Variants in TIAM2 observed in about 807,000 individuals in gnomAD.
The protein encoded by TIAM2 is rho guanine nucleotide exchange factor TIAM2.
TIAM2 carries 80 observed loss-of-function variants against 152.9 expected under a neutral mutation model. The observed-to-expected ratio is 0.52, with a 90% CI of 0.44 to 0.63. The LOEUF (loss-of-function observed/expected upper bound fraction) is 0.63, where lower values mean the gene tolerates loss of function less well. TIAM2 is among the 30% of genes least tolerant of loss of function. The pLI is 0.00. For synonymous variants in TIAM2, 804 were observed against 838.0 expected (o/e 0.96, Z 0.70); for missense variants, 1,965 against 2,120.1 (o/e 0.93, Z 1.44).
At chr6:155,136,417 G>A (rs1779557563) in intron 4 of TIAM2, among the ~76,000 whole-genome samples, 1 of 151,688 alleles carries the variant, frequency 6.6e-6, no homozygotes, top group African/African-American at 2.4e-5. Context: ...TGGGATTACA[G>A]GTGCTCACCG....
intron 7 of TIAM2, among the ~76,000 whole-genome samples, chr6:155,159,361 T>C (rs1780204674): frequency 6.6e-6 from 1 of 152,200 alleles, no homozygotes; most frequent in South Asian, 2.1e-4. Context: ...AGTGCACAGG[T>C]ATCTTCCTAT....
chr6:155,148,469 T>G, intron 7 of TIAM2, 135 bp downstream of exon 7: 1 of 903,406 alleles, frequency 1.1e-6, no homozygotes, highest in Non-Finnish European at 1.7e-6. Context: ...GGGAAATAAT[T>G]TCTGTGGTTT....
At chr6:155,172,669 TATATATA>T (rs1562341150) in intron 9 of TIAM2, among the ~76,000 whole-genome samples, 1 of 9,650 alleles carries the variant, frequency 1.0e-4, no homozygotes, top group Non-Finnish European at 2.4e-4. Context: ...TATATATATA[TATATATA>T]TATATATATA....
chr6:155,240,426 A>G, intron 15 of TIAM2, 104 bp from the exon 16 acceptor site: 1 of 1,259,572 alleles, frequency 7.9e-7, no homozygotes, highest in Non-Finnish European at 1.1e-6. Context: ...GGCCCCTCTG[A>G]GATCCCTGCT....
intron 7 of TIAM2, among the ~76,000 whole-genome samples, chr6:155,160,957 T>C (rs1453798547): frequency 9.2e-5 from 14 of 152,192 alleles, no homozygotes; most frequent in Non-Finnish European, 1.3e-4. Flanking sequence ...CTTAATAAGA[T>C]ACAATCAAGA....
chr6:155,220,320 G>A (rs1278464868), intron 15 of TIAM2, among the ~76,000 whole-genome samples: 1 of 152,266 alleles, frequency 6.6e-6, no homozygotes, highest in Non-Finnish European at 1.5e-5. Context: ...AGCTGTGGCA[G>A]AGGGCCTGTG....
chr6:155,243,932 G>C (rs1201292079), intron 16 of TIAM2, 79 bp from the exon 17 acceptor site: 2 of 1,081,936 alleles, frequency 1.8e-6, no homozygotes, highest in Non-Finnish European at 2.8e-6. Flanking sequence ...GGGAGCTGCT[G>C]CCAGGTTGCT....
chr6:155,114,038 T>A (rs9478614), intron 2 of TIAM2, among the ~76,000 whole-genome samples: 2,417 of 22,446 alleles, frequency 0.11, 111 homozygotes, highest in African/African-American at 0.17. Context: ...ATATATATAT[T>A]TTTTTTTTTT....
intron 7 of TIAM2, among the ~76,000 whole-genome samples, chr6:155,161,493 A>C (rs1229902008): frequency 6.6e-6 from 1 of 152,160 alleles, no homozygotes; most frequent in African/African-American, 2.4e-5. Context: ...TACAGGATTC[A>C]GTGCAAATAC....
At chr6:155,209,943 G>C (rs939408566) in intron 14 of TIAM2, among the ~76,000 whole-genome samples, 2 of 152,106 alleles carry the variant, frequency 1.3e-5, no homozygotes, top group African/African-American at 4.8e-5. Context: ...CATCATGCTG[G>C]GCAGTTTCTT....
chr6:155,060,470 C>T (rs1176130540), intron 1 of TIAM2, among the ~76,000 whole-genome samples: 2 of 152,146 alleles, frequency 1.3e-5, no homozygotes, highest in African/African-American at 4.8e-5. Context: ...GTTTCTTCTC[C>T]CTCAATTACT....
chr6:155,113,047 CT>C (rs1778896400), intron 2 of TIAM2, among the ~76,000 whole-genome samples: 1 of 152,118 alleles, frequency 6.6e-6, no homozygotes, highest in African/African-American at 2.4e-5. Flanking sequence ...CATGATGAGC[CT>C]TCTCTATCAC....
At chr6:155,036,516 G>GAA (rs992356519) in intron 1 of TIAM2, among the ~76,000 whole-genome samples, 8 of 63,228 alleles carry the variant, frequency 1.3e-4, no homozygotes, top group South Asian at 6.6e-4. Flanking sequence ...TCTCAAAAAA[G>GAA]AAAAAAAAAA....
intron 7 of TIAM2, among the ~76,000 whole-genome samples, chr6:155,155,904 T>A (rs982828987): frequency 2.0e-5 from 3 of 152,180 alleles, no homozygotes; most frequent in Non-Finnish European, 4.4e-5. Flanking sequence ...CTGCCCTCAG[T>A]GACAGTGGCA....
chr6:155,253,817 G>C (rs1783828206), intron 24 of TIAM2, 156 bp from the exon 25 acceptor site: 1 of 577,304 alleles, frequency 1.7e-6, no homozygotes, highest in Non-Finnish European at 3.0e-6. Context: ...TCTTGTAACT[G>C]TGAAAATCAT....
intron 7 of TIAM2, among the ~76,000 whole-genome samples, chr6:155,161,645 G>T (rs1182137364): frequency 6.6e-6 from 1 of 150,616 alleles, no homozygotes; most frequent in Non-Finnish European, 1.5e-5. Flanking sequence ...TCAGCTCACT[G>T]CAGCCTCCAC....
chr6:155,193,894 G>A (rs1781268386), intron 14 of TIAM2, among the ~76,000 whole-genome samples: 1 of 152,238 alleles, frequency 6.6e-6, no homozygotes. Context: ...TGCACCATCA[G>A]TGCACATGTC....
At position 155,254,064 on chromosome 6, in the gene TIAM2, T is replaced by C; in HGVS notation, c.4313+4T>C. On this transcript the variant is annotated splice_donor_region_variant and intron_variant, in intron 25 of 26. Coordinates refer to ENST00000682666, the MANE Select transcript of TIAM2 (RefSeq NM_012454.4). ...CCATCTTTCAGTTGTGTTGCAGGTA[T>C]GACTGACTTCCAAAGATTAAAACCA... 1 of 1,613,088 alleles carries C rather than the reference T, an allele frequency of 6.2e-7. No homozygotes were observed. The highest frequency in any genetic ancestry group is 8.5e-7 in the Non-Finnish European group (1 of 1,179,536).
intron 1 of TIAM2, among the ~76,000 whole-genome samples, chr6:155,002,990 A>C (rs1438107335): frequency 6.6e-6 from 1 of 152,092 alleles, no homozygotes; most frequent in Admixed American, 6.6e-5. Flanking sequence ...CACTGAGCCC[A>C]GCCATGCTTG....
Sources: allele counts gnomAD v4.1 joint callset (sites outside exome capture counted in the v4.1 genomes callset), GRCh38; gene constraint gnomAD v4.1.1; transcripts MANE v1.5; gene names NCBI Gene and HGNC (gene_info 2026-07-23, HGNC 2026-07-21).